CPED1: variants seen among roughly 807,000 people sequenced by gnomAD.
CPED1 encodes cadherin-like and PC-esterase domain-containing protein 1.
Under a neutral mutation model 128.2 loss-of-function variants are expected in CPED1, and 114 were observed. The ratio of observed to expected loss-of-function variants is 0.89; its 90% CI spans 0.76 to 1.04. The LOEUF is 1.04. Ranked by LOEUF, CPED1 falls within the 50% of genes least tolerant of loss-of-function variation. The pLI, the probability that CPED1 is intolerant of heterozygous loss-of-function variation, is 0.00. For synonymous variants in CPED1, 462 were observed against 426.7 expected (o/e 1.08, Z -1.02); for missense variants, 1,211 against 1,207.1 (o/e 1.00, Z -0.05).
At chr7:120,996,177 G>A (rs888747403) in intron 2 of CPED1, among the ~76,000 whole-genome samples, 4 of 152,022 alleles carry the variant, frequency 2.6e-5, no homozygotes, top group Admixed American at 6.6e-5. Flanking sequence ...CCAGCTACTC[G>A]AGAGGCCAAG....
intron 22 of CPED1, among the ~76,000 whole-genome samples, chr7:121,295,099 T>C (rs1309651839): frequency 6.6e-6 from 1 of 151,722 alleles, no homozygotes; most frequent in Non-Finnish European, 1.5e-5. Flanking sequence ...TTTCCTATTG[T>C]AGTACTATGT....
intron 5 of CPED1, among the ~76,000 whole-genome samples, chr7:121,084,664 T>C (rs1265901121): frequency 6.6e-6 from 1 of 152,192 alleles, no homozygotes; most frequent in Non-Finnish European, 1.5e-5. Flanking sequence ...ATAAAACTGA[T>C]TAAAATGAGT....
At chr7:121,015,076 G>C (rs1050288197) in intron 2 of CPED1, among the ~76,000 whole-genome samples, 3 of 152,178 alleles carry the variant, frequency 2.0e-5, no homozygotes, top group African/African-American at 7.2e-5. Context: ...GTAGAATTAT[G>C]ATACTTCAGT....
chr7:121,137,733 C>CT (rs775229948), intron 14 of CPED1, among the ~76,000 whole-genome samples: 15 of 152,020 alleles, frequency 9.9e-5, no homozygotes, highest in Non-Finnish European at 2.1e-4. Context: ...CAATCTCCTA[C>CT]CCCCAGAAAA....
At chr7:121,050,812 C>T (rs1051867222) in intron 4 of CPED1, 8 of 460,094 alleles carry the variant, frequency 1.7e-5, no homozygotes, top group African/African-American at 6.0e-5. Context: ...GCTCAGGCGG[C>T]GGGAGGAGCG....
At chr7:121,015,912 T>G in intron 3 of CPED1, 64 bp downstream of exon 3, 1 of 1,163,498 alleles carries the variant, frequency 8.6e-7, no homozygotes, top group Non-Finnish European at 1.1e-6. Context: ...ATTTCTAGAA[T>G]GTGCTACTAT....
At chr7:121,213,552 C>T (rs1240124117) in intron 16 of CPED1, among the ~76,000 whole-genome samples, 1 of 151,904 alleles carries the variant, frequency 6.6e-6, no homozygotes, top group East Asian at 1.9e-4. Flanking sequence ...TTTTAAAGAG[C>T]GAATGCTTGT....
chr7:121,232,554 T>C (rs918747406), intron 16 of CPED1, among the ~76,000 whole-genome samples: 8 of 152,072 alleles, frequency 5.3e-5, no homozygotes, highest in Non-Finnish European at 8.8e-5. Context: ...CAAATATATC[T>C]TACTTCAGGT....
intron 18 of CPED1, among the ~76,000 whole-genome samples, chr7:121,251,144 T>C (rs1199579112): frequency 1.3e-5 from 2 of 152,226 alleles, no homozygotes; most frequent in East Asian, 1.9e-4. Flanking sequence ...ATCCCTGGGA[T>C]GCAAGGCTGG....
At chr7:121,230,914 C>G (rs927602816) in intron 16 of CPED1, among the ~76,000 whole-genome samples, 3 of 151,926 alleles carry the variant, frequency 2.0e-5, no homozygotes, top group African/African-American at 7.2e-5. Context: ...TGATATCTGT[C>G]ATAGTTATAT....
intron 16 of CPED1, among the ~76,000 whole-genome samples, chr7:121,167,021 G>A (rs566412618): frequency 2.0e-5 from 3 of 152,224 alleles, no homozygotes; most frequent in South Asian, 2.1e-4. Context: ...AGCTGCCTTC[G>A]CTAATCATTC....
chr7:121,139,392 G>C (rs766198832), intron 14 of CPED1, among the ~76,000 whole-genome samples: 3 of 151,120 alleles, frequency 2.0e-5, no homozygotes, highest in Non-Finnish European at 4.4e-5. Flanking sequence ...GAAATATATA[G>C]GGTTTTTTTT....
intron 7 of CPED1, among the ~76,000 whole-genome samples, chr7:121,104,767 T>A (rs1355953264): frequency 2.0e-5 from 3 of 152,174 alleles, no homozygotes; most frequent in Non-Finnish European, 4.4e-5. Flanking sequence ...TCGATTGAAT[T>A]GAATCAAAGG....
At chr7:121,122,421 G>A (rs1473945939) in intron 7 of CPED1, among the ~76,000 whole-genome samples, 5 of 152,154 alleles carry the variant, frequency 3.3e-5, no homozygotes, top group East Asian at 1.9e-4. Flanking sequence ...GATTATAGGC[G>A]TGAGCCACCA....
At chr7:121,105,087 C>T (rs1794941407) in intron 7 of CPED1, among the ~76,000 whole-genome samples, 1 of 152,050 alleles carries the variant, frequency 6.6e-6, no homozygotes, top group African/African-American at 2.4e-5. Flanking sequence ...CTTCCATCTC[C>T]AGTGCTTGCA....
intron 16 of CPED1, among the ~76,000 whole-genome samples, chr7:121,216,884 G>A (rs1466962944): frequency 2.0e-5 from 3 of 151,958 alleles, no homozygotes; most frequent in Admixed American, 6.6e-5. Context: ...GTTCCAACAT[G>A]GAATATGTTC....
At chr7:121,010,391 CA>C (rs1792127946) in intron 2 of CPED1, among the ~76,000 whole-genome samples, 2 of 152,104 alleles carry the variant, frequency 1.3e-5, no homozygotes, top group Non-Finnish European at 2.9e-5. Flanking sequence ...GCTGGGATTA[CA>C]GGCACACCAC....
intron 16 of CPED1, among the ~76,000 whole-genome samples, chr7:121,233,644 GAAAT>G (rs1163006225): frequency 6.6e-6 from 1 of 152,070 alleles, no homozygotes; most frequent in Non-Finnish European, 1.5e-5. Context: ...AGTGAAGAAA[GAAAT>G]GAGAGACACT....
intron 7 of CPED1, among the ~76,000 whole-genome samples, chr7:121,121,993 G>T (rs1224183605): frequency 6.6e-6 from 1 of 152,134 alleles, no homozygotes; most frequent in Non-Finnish European, 1.5e-5. Context: ...GATAAAAGTT[G>T]TGCCTTCTTT....
Sources: gnomAD v4.1 joint callset for allele counts (sites outside exome capture counted in the v4.1 genomes callset) on GRCh38, gnomAD v4.1.1 for gene constraint, MANE v1.5 for transcripts, NCBI Gene and HGNC (gene_info 2026-07-23, HGNC 2026-07-21) for gene names.